Variants in GRXCR2 observed in about 807,000 individuals in gnomAD.
GRXCR2 encodes glutaredoxin and cysteine rich domain containing 2.
In GRXCR2, 23 loss-of-function variants were observed where a neutral mutation model predicts 24.8. The ratio of observed to expected loss-of-function variants is 0.93; its 90% CI spans 0.67 to 1.32. The LOEUF (loss-of-function observed/expected upper bound fraction) is 1.32, where lower values mean the gene tolerates loss of function less well. Among genes scored for constraint, GRXCR2 ranks in the 40% most tolerant of loss-of-function variants. The probability of loss-of-function intolerance (pLI) is 0.00; values close to 1 mark genes in which losing one functional copy is unlikely to be tolerated. For missense variants in GRXCR2, 315 were observed against 303.4 expected (o/e 1.04, Z -0.28); for synonymous variants, 130 against 116.1 (o/e 1.12, Z -0.77).
chr5:145,903,521 T>C (rs1195106135), intron 2 of GRXCR2, among the ~76,000 whole-genome samples: 1 of 92,464 alleles, frequency 1.1e-5, no homozygotes, highest in South Asian at 4.7e-4. Flanking sequence ...GAAGATTTGA[T>C]TCAGAGTCAA....
At chr5:145,875,457 G>A (rs779016203), upstream of GRXCR2, among the ~76,000 whole-genome samples, 1 of 152,118 alleles carries the variant, frequency 6.6e-6, no homozygotes, top group Non-Finnish European at 1.5e-5. Flanking sequence ...GCTAGAGCAG[G>A]AGAATCACTT....
intron 2 of GRXCR2, among the ~76,000 whole-genome samples, chr5:145,919,716 T>A (rs1449959585): frequency 1.3e-5 from 2 of 152,088 alleles, no homozygotes; most frequent in African/African-American, 4.8e-5. Context: ...GTCATCCGCC[T>A]TCTAAAATAA....
intron 2 of GRXCR2, among the ~76,000 whole-genome samples, chr5:145,895,585 G>A (rs2149920737): frequency 6.6e-6 from 1 of 152,210 alleles, no homozygotes; most frequent in Non-Finnish European, 1.5e-5. Context: ...GGATGTGAAG[G>A]ACCTCTTCAA....
At chr5:145,897,595 A>G (rs1035390549) in intron 2 of GRXCR2, among the ~76,000 whole-genome samples, 2 of 152,056 alleles carry the variant, frequency 1.3e-5, no homozygotes, top group African/African-American at 4.8e-5. Context: ...CAATTCCAAA[A>G]AAAATCACAA....
intron 2 of GRXCR2, among the ~76,000 whole-genome samples, chr5:145,930,556 A>G (rs1757464755): frequency 6.6e-6 from 1 of 152,340 alleles, no homozygotes; most frequent in East Asian, 1.9e-4. Context: ...TTCCCTTTAA[A>G]ATAAATTATT....
chr5:145,891,787 G>T (rs944883493), intron 2 of GRXCR2, among the ~76,000 whole-genome samples: 1 of 152,162 alleles, frequency 6.6e-6, no homozygotes, highest in Non-Finnish European at 1.5e-5. Context: ...AGAGAGTGGT[G>T]GTTCTCCCAG....
At chr5:145,885,335 A>C (rs73308158) in intron 2 of GRXCR2, among the ~76,000 whole-genome samples, 3,338 of 152,302 alleles carry the variant, frequency 0.022, 117 homozygotes, top group African/African-American at 0.075. Flanking sequence ...CAACGTTTCA[A>C]GAGACTATTA....
At chr5:145,882,177 A>G (rs1321567563) in intron 2 of GRXCR2, among the ~76,000 whole-genome samples, 1 of 152,240 alleles carries the variant, frequency 6.6e-6, no homozygotes, top group African/African-American at 2.4e-5. Flanking sequence ...AACGGGATCT[A>G]TTTAAACTAA....
chr5:145,880,706 G>C (rs942404493), intron 2 of GRXCR2, among the ~76,000 whole-genome samples: 3 of 152,170 alleles, frequency 2.0e-5, no homozygotes, highest in African/African-American at 7.2e-5. Context: ...TGATACCAAA[G>C]GCTGGCAGAG....
intron 2 of GRXCR2, among the ~76,000 whole-genome samples, chr5:145,893,718 G>C (rs1756904806): frequency 6.6e-6 from 1 of 152,254 alleles, no homozygotes; most frequent in East Asian, 1.9e-4. Flanking sequence ...ACATTAGACA[G>C]ATCAACAAGA....
At chr5:145,879,370 C>CAAA (rs144743619) in intron 2 of GRXCR2, among the ~76,000 whole-genome samples, 1,512 of 99,514 alleles carry the variant, frequency 0.015, 20 homozygotes, top group Middle Eastern at 0.034. Flanking sequence ...AAATGCACAG[C>CAAA]AAAAAAAAAA....
intron 2 of GRXCR2, among the ~76,000 whole-genome samples, chr5:145,892,664 C>A (rs1185111883): frequency 6.6e-6 from 1 of 152,148 alleles, no homozygotes; most frequent in African/African-American, 2.4e-5. Flanking sequence ...GACTGGTGTA[C>A]CTGAAAGTGA....
intron 2 of GRXCR2, among the ~76,000 whole-genome samples, chr5:145,864,594 GT>G (rs1756396417): frequency 6.6e-6 from 1 of 152,012 alleles, no homozygotes; most frequent in African/African-American, 2.4e-5. Context: ...AGAGCTGGTG[GT>G]TTTAAAGCAT....
chr5:145,907,297 G>A (rs759225598), intron 2 of GRXCR2, among the ~76,000 whole-genome samples: 2 of 152,124 alleles, frequency 1.3e-5, no homozygotes, highest in Admixed American at 1.3e-4. Flanking sequence ...GGGAGGCCAA[G>A]GCAGGAGGAT....
In GRXCR2 at chr5:145,912,406, A is replaced by G. The variant is rs538215947; in HGVS notation, c.-70+23295T>C. ...TGACCCCTCTTTCATTCATTCAGCA[A>G]ATAACTACAGTACCCCTGTTATATG... On this transcript the variant is annotated intron_variant, in intron 2 of 3. Transcript: ENST00000639411. 3.9e-5 allele frequency among the ~76,000 whole-genome samples: 6 copies of G among 152,230 alleles called. No homozygotes were observed. In the East Asian group the frequency reaches 1.2e-3, roughly 29 times the overall value.
chr5:145,862,199 G>T (rs1464217390), intron 2 of GRXCR2, among the ~76,000 whole-genome samples: 1 of 152,162 alleles, frequency 6.6e-6, no homozygotes, highest in Non-Finnish European at 1.5e-5. Flanking sequence ...CTAACATAAT[G>T]CTATACATGT....
intron 2 of GRXCR2, among the ~76,000 whole-genome samples, chr5:145,912,179 G>A (rs948387486): frequency 2.0e-5 from 3 of 152,222 alleles, no homozygotes; most frequent in African/African-American, 4.8e-5. Context: ...TGCTCCAGGT[G>A]TTCTGCCAGT....
chr5:145,866,063 G>A (rs1448335541), intron 2 of GRXCR2, among the ~76,000 whole-genome samples: 1 of 149,358 alleles, frequency 6.7e-6, no homozygotes, highest in African/African-American at 2.5e-5. Context: ...TTATCCAGGA[G>A]ACAGAGGTTG....
At chr5:145,884,100 G>A (rs1224356811) in intron 2 of GRXCR2, among the ~76,000 whole-genome samples, 3 of 152,134 alleles carry the variant, frequency 2.0e-5, no homozygotes, top group Non-Finnish European at 4.4e-5. Context: ...AGCAGGACAG[G>A]AAGCAAAGTG....
Sources: allele counts gnomAD v4.1 joint callset (sites outside exome capture counted in the v4.1 genomes callset), GRCh38; gene constraint gnomAD v4.1.1; transcripts MANE v1.5; gene names NCBI Gene and HGNC (gene_info 2026-07-23, HGNC 2026-07-21).